The following CDKL5 variants were observed in gnomAD, a reference collection of about 807,000 sequenced individuals.
CDKL5 encodes the protein cyclin-dependent kinase-like 5.
Under a neutral mutation model 61.7 loss-of-function variants are expected in CDKL5, and 8 were observed. That is an observed-to-expected ratio of 0.13 (90% CI 0.08 to 0.23). CDKL5 has a LOEUF of 0.23. Ranked by LOEUF, CDKL5 falls within the 10% of genes least tolerant of loss-of-function variation. The pLI, the probability that CDKL5 is intolerant of heterozygous loss-of-function variation, is 1.00. For missense variants in CDKL5, 440 were observed against 734.5 expected (o/e 0.60, Z 4.63); for synonymous variants, 275 against 272.3 (o/e 1.01, Z -0.10).
At chrX:18,432,099 C>CTTTTT (rs139849633) in intron 1 of CDKL5, among the ~76,000 whole-genome samples, 4 of 90,255 alleles carry the variant, frequency 4.4e-5, no homozygotes, top group Non-Finnish European at 6.6e-5. Flanking sequence ...TTCTTTCTTT[C>CTTTTT]TTTTTTTTTT....
chrX:18,625,288 CA>C, intron 17 of CDKL5, 41 bp downstream of exon 17: 2 of 1,197,994 alleles, frequency 1.7e-6, no homozygotes, highest in Non-Finnish European at 2.3e-6. Context: ...TCCAACTCTC[CA>C]GTAACTGTCC....
intron 3 of CDKL5, among the ~76,000 whole-genome samples, chrX:18,544,963 C>T (rs1924140837): frequency 2.7e-5 from 3 of 111,478 alleles, no homozygotes; most frequent in South Asian, 7.5e-4. Flanking sequence ...TGCAGTGGCT[C>T]ACACCTGTAA....
chrX:18,573,804 G>A (rs979827356), intron 4 of CDKL5, among the ~76,000 whole-genome samples: 1 of 112,096 alleles, frequency 8.9e-6, no homozygotes, highest in African/African-American at 3.2e-5. Context: ...ACAAGGGAGT[G>A]TTGACTCCGT....
At chrX:18,498,500 C>T (rs1314416220) in intron 1 of CDKL5, among the ~76,000 whole-genome samples, 1 of 111,307 alleles carries the variant, frequency 9.0e-6, no homozygotes, top group African/African-American at 3.3e-5. Context: ...TTTTGTTTAG[C>T]CTCTTGAGTT....
intron 5 of CDKL5, among the ~76,000 whole-genome samples, chrX:18,578,602 A>G (rs1925374662): frequency 8.9e-6 from 1 of 112,575 alleles, no homozygotes; most frequent in African/African-American, 3.2e-5. Context: ...CAATAAACGT[A>G]TTGCATGTTA....
At chrX:18,476,208 CTTCT>C (rs1314574348) in intron 1 of CDKL5, among the ~76,000 whole-genome samples, 1 of 110,616 alleles carries the variant, frequency 9.0e-6, no homozygotes, top group Non-Finnish European at 1.9e-5. Flanking sequence ...TCTTAATGTC[CTTCT>C]TTATCTTTTT....
At chrX:18,620,856 C>T (rs1602296350) in intron 16 of CDKL5, among the ~76,000 whole-genome samples, 1 of 110,736 alleles carries the variant, frequency 9.0e-6, no homozygotes, top group East Asian at 2.8e-4. Flanking sequence ...CAAGTGATCT[C>T]CCACCTCAGC....
downstream of CDKL5, chrX:18,642,174 A>G (rs370113264): frequency 4.4e-5 from 53 of 1,205,369 alleles, no homozygotes; most frequent in African/African-American, 7.4e-4. Context: ...GATAGAGGAA[A>G]TCCTGTCACC....
At chrX:18,549,936 A>G (rs776800618) in intron 3 of CDKL5, among the ~76,000 whole-genome samples, 1 of 111,694 alleles carries the variant, frequency 9.0e-6, no homozygotes, top group East Asian at 2.8e-4. Context: ...GAGGACTGCC[A>G]GGCCTCCTTT....
intron 9 of CDKL5, among the ~76,000 whole-genome samples, chrX:18,591,253 TCA>T (rs761112790): frequency 9.6e-4 from 108 of 112,184 alleles, no homozygotes; most frequent in African/African-American, 3.4e-3. Context: ...TCTAGTCCTC[TCA>T]CACTGGAATA....
intron 17 of CDKL5, 150 bp downstream of exon 17, chrX:18,625,397 G>C: frequency 1.7e-6 from 1 of 587,301 alleles, no homozygotes. Flanking sequence ...ATAGCCAGAT[G>C]CATCTCGTGA....
chrX:18,649,659 C>G (rs1927944849), intron 20 of CDKL5, among the ~76,000 whole-genome samples: 1 of 111,952 alleles, frequency 8.9e-6, no homozygotes, highest in Non-Finnish European at 1.9e-5. Context: ...AATGCAGTTT[C>G]CAGGACTCCA....
At chrX:18,550,901 A>G (rs1924361359) in intron 3 of CDKL5, among the ~76,000 whole-genome samples, 1 of 112,958 alleles carries the variant, frequency 8.9e-6, no homozygotes, top group African/African-American at 3.2e-5. Flanking sequence ...ATTCATTTGC[A>G]GACAATTTGG....
intron 1 of CDKL5, among the ~76,000 whole-genome samples, chrX:18,468,053 T>C (rs1017663985): frequency 1.8e-5 from 2 of 112,104 alleles, no homozygotes; most frequent in Non-Finnish European, 3.8e-5. Flanking sequence ...TAAATAATTT[T>C]ATTATTCCTG....
At chrX:18,610,083 T>G (rs1363877040) in intron 14 of CDKL5, among the ~76,000 whole-genome samples, 1 of 37,679 alleles carries the variant, frequency 2.7e-5, no homozygotes, top group East Asian at 7.6e-4. Context: ...CACCCCACCC[T>G]ACTCCTAATC....
intron 1 of CDKL5, among the ~76,000 whole-genome samples, chrX:18,460,565 C>G (rs1011100733): frequency 9.0e-6 from 1 of 111,134 alleles, no homozygotes; most frequent in African/African-American, 3.3e-5. Flanking sequence ...GGGGTGTGAT[C>G]TCAGCTCACT....
chrX:18,526,753 G>A (rs191669293), intron 3 of CDKL5, among the ~76,000 whole-genome samples: 2 of 110,748 alleles, frequency 1.8e-5, no homozygotes, highest in African/African-American at 6.5e-5. Context: ...ATATTACATG[G>A]CTTGATTTTG....
intron 3 of CDKL5, among the ~76,000 whole-genome samples, chrX:18,532,189 C>T (rs1923673230): frequency 8.9e-6 from 1 of 111,941 alleles, no homozygotes; most frequent in Non-Finnish European, 1.9e-5. Context: ...ATGACTCATT[C>T]CCAGTTATTT....
At position 18,634,164 on chromosome X, in the gene CDKL5, C is replaced by T. The variant is rs954132648; in HGVS notation, c.*5407C>T. 95 of 752,043 alleles carry T rather than the reference C, an allele frequency of 1.3e-4. No individual in the cohort carries two copies. The African/African-American group carries it at 2.1e-3, about 17-fold the overall frequency. 62.0% of individuals were successfully genotyped at this position (752,043 alleles called of 1,213,427 possible). On this transcript the variant is annotated 3_prime_UTR_variant, in exon 18 of 18. Coordinates refer to ENST00000623535, the MANE Select transcript of CDKL5 (RefSeq NM_001323289.2). ...ATGTTGTATGCAGATTAGAAGTTGC[C>T]TTGTTTGTTACTCTTCCAACACAGG...
Sources: allele counts gnomAD v4.1 joint callset (sites outside exome capture counted in the v4.1 genomes callset), GRCh38; gene constraint gnomAD v4.1.1; transcripts MANE v1.5; gene names NCBI Gene and HGNC (gene_info 2026-07-23, HGNC 2026-07-21).